CACNA1G: variants seen among roughly 807,000 people sequenced by gnomAD.
CACNA1G encodes voltage-dependent T-type calcium channel subunit alpha-1G.
CACNA1G carries 67 observed loss-of-function variants against 219.4 expected under a neutral mutation model. The ratio of observed to expected loss-of-function variants is 0.31; its 90% confidence interval spans 0.25 to 0.37. CACNA1G has a LOEUF of 0.37. CACNA1G is among the 10% of genes least tolerant of loss of function. The pLI is 1.00. For missense variants in CACNA1G, 2,380 were observed against 3,231.4 expected, an observed-to-expected ratio of 0.74 and a Z score of 6.39; for synonymous variants, 1,296 against 1,345.3, an observed-to-expected ratio of 0.96 and a Z score of 0.80.
intron 9 of CACNA1G, among the ~76,000 whole-genome samples, chr17:50,580,186 G>A (rs879883021): frequency 1.3e-5 from 2 of 152,166 alleles, no homozygotes; most frequent in East Asian, 1.9e-4. Flanking sequence ...TCTGGGCTAC[G>A]TGGGTGTGGG....
Position 50,618,654 on chromosome 17 carries a change from G to A in CACNA1G, c.5428-1G>A. 1 of 1,609,102 alleles carries A rather than the reference G, an allele frequency of 6.2e-7. No homozygotes were observed. ...TCACCCCTCTATTCCACCCTCCCCA[G>A]GACACCCTCCGGGACTGTGACCAGG... is the stretch of plus-strand genomic sequence containing the variant. On this transcript the variant is annotated splice_acceptor_variant, in intron 32 of 37. Transcript: ENST00000359106. LOFTEE classifies it high-confidence loss of function. The surrounding 1 kb of genome is among the most constrained non-coding windows in gnomAD (Gnocchi z 5.3).
intron 9 of CACNA1G, among the ~76,000 whole-genome samples, chr17:50,579,436 G>A (rs551082858): frequency 2.0e-5 from 3 of 152,224 alleles, no homozygotes; most frequent in South Asian, 4.1e-4. Context: ...GAAGATGCCC[G>A]CTTGTTGGGG....
chr17:50,575,146 C>A (rs2040370501), intron 7 of CACNA1G, among the ~76,000 whole-genome samples: 1 of 152,334 alleles, frequency 6.6e-6, no homozygotes, highest in Admixed American at 6.5e-5. Flanking sequence ...ATTTCCACAG[C>A]ATTCGCTACT....
intron 9 of CACNA1G, among the ~76,000 whole-genome samples, chr17:50,584,458 CT>C (rs1158181801): frequency 1.3e-5 from 2 of 152,004 alleles, no homozygotes; most frequent in African/African-American, 4.8e-5. Context: ...CTGGACAGAG[CT>C]GGAGCTGTGG....
At chr17:50,624,955 CTTTT>C (rs3986415) in intron 37 of CACNA1G, among the ~76,000 whole-genome samples, 1 of 117,542 alleles carries the variant, frequency 8.5e-6, no homozygotes, top group Non-Finnish European at 1.7e-5. Flanking sequence ...AGCCCAGATT[CTTTT>C]TTTTTTTTTT....
In CACNA1G at chr17:50,606,565, CA is replaced by C. The variant is rs202151940; in HGVS notation, c.4423-334del. ...AATTCCTTTCCTCACTCCATATTTG[CA>C]GAAACAGAAATGCAGAAAATGAAAT... is the stretch of plus-strand genomic sequence containing the variant. On this transcript the variant is annotated intron_variant, in intron 23 of 37. Coordinates refer to ENST00000359106, the MANE Select transcript of CACNA1G (RefSeq NM_018896.5). 2,015 of 544,134 alleles carry C rather than the reference CA, an allele frequency of 3.7e-3. 59 individuals are homozygous for C. The East Asian group carries it at 0.049, about 13-fold the overall frequency. 33.7% of individuals were successfully genotyped at this position (544,134 alleles called of 1,614,324 possible). A position where few individuals can be genotyped will look rare whatever the true frequency, so the allele number is the denominator to read the frequency against.
chr17:50,585,164 G>T (rs2042756571), intron 9 of CACNA1G, among the ~76,000 whole-genome samples: 1 of 152,158 alleles, frequency 6.6e-6, no homozygotes. Context: ...TTTATTTTAA[G>T]AGATGGAATC....
chr17:50,604,549 C>T (rs1413151175), intron 22 of CACNA1G, among the ~76,000 whole-genome samples: 3 of 152,252 alleles, frequency 2.0e-5, no homozygotes, highest in African/African-American at 7.2e-5. Context: ...GCCCTCTGCA[C>T]GCACTCCCTG....
intron 35 of CACNA1G, among the ~76,000 whole-genome samples, chr17:50,622,696 A>G (rs2146409547): frequency 6.6e-6 from 1 of 152,272 alleles, no homozygotes; most frequent in African/African-American, 2.4e-5. Flanking sequence ...TCACAGAGTG[A>G]TGGAGAAACC....
chr17:50,605,781 A>T, intron 22 of CACNA1G, 117 bp from the exon 23 acceptor site: 1 of 1,075,144 alleles, frequency 9.3e-7, no homozygotes, highest in Non-Finnish European at 1.4e-6. Context: ...GCCCCAGAGC[A>T]GAGCACCCCA....
rs751264684 is a variant in CACNA1G at position 50,626,394 on chromosome 17, G to T, written c.6777G>T (p.Thr2259=). 3.0e-5 allele frequency: 49 copies of T among 1,611,586 alleles called. No individual in the cohort carries two copies. The East Asian group carries it at 9.8e-4, about 32-fold the overall frequency. ...CCCAGAGCTGCCAGCGCCGGCCTAC[G>T]TCCTGGCTGGATGAGCAGAGGAGAC... The part of the protein sequence containing the change: ...VEAQSCQRRP[T]SWLDEQRRHS... Residue 2259 remains threonine (T), a synonymous_variant, in exon 38 of 38, where the codon ACG becomes ACT. Coordinates refer to ENST00000359106, the MANE Select transcript of CACNA1G (RefSeq NM_018896.5). This position sits in a 1 kb window ranked among gnomAD's most constrained non-coding sequence, Gnocchi z 4.3.
At chr17:50,576,394 T>A in intron 8 of CACNA1G, 68 bp downstream of exon 8, 1 of 1,467,050 alleles carries the variant, frequency 6.8e-7, no homozygotes, top group Non-Finnish European at 9.3e-7. Context: ...CAGAGGGGAC[T>A]AGGGGGTCTG....
rs1284877290 is a variant in CACNA1G, at chr17:50,618,010, C to T, written c.5227-38C>T. On this transcript the variant is annotated intron_variant, in intron 30 of 37. Coordinates refer to ENST00000359106, the MANE Select transcript of CACNA1G (RefSeq NM_018896.5). This position sits in a 1 kb window ranked among gnomAD's most constrained non-coding sequence, Gnocchi z 5.3. The stretch of plus-strand genomic sequence containing the variant: ...GGCTCAGAGAAGCTGACTGGGAGAC[C>T]CAGCGGCATCGTTTCTATTTCTTCT... The T allele has an allele frequency of 1.2e-6, 2 of 1,612,704 alleles. No homozygotes were observed. The highest frequency in any genetic ancestry group is 3.3e-5 in the Admixed American group (2 of 60,000).
At chr17:50,587,783 A>G (rs8078184) in intron 9 of CACNA1G, among the ~76,000 whole-genome samples, 76,294 of 151,824 alleles carry the variant, frequency 0.5, 20,251 homozygotes, top group East Asian at 0.9. Flanking sequence ...CCCTTGACAA[A>G]GTTCAATGAG....
Position 50,572,626 on chromosome 17 carries a change from G to A in CACNA1G, c.819G>A (p.Gln273=), listed in dbSNP as rs1207906784. 1 of 1,596,690 alleles carries A rather than the reference G, an allele frequency of 6.3e-7. No homozygotes were observed. The highest frequency in any genetic ancestry group is 2.3e-5 in the East Asian group (1 of 43,806). The part of the protein sequence containing the change: ...NEDESPFICS[Q]PRENGMRSCR... ...ATGAGAGCCCCTTCATCTGCTCCCA[G>A]CCACGCGAGAACGGCATGCGGTCCT... Residue 273 remains glutamine (Q), a synonymous_variant, in exon 6 of 38, where the codon CAG becomes CAA. Coordinates refer to ENST00000359106, the MANE Select transcript of CACNA1G (RefSeq NM_018896.5).
At chr17:50,615,778 G>A (rs141734117) in intron 27 of CACNA1G, among the ~76,000 whole-genome samples, 14 of 152,350 alleles carry the variant, frequency 9.2e-5, no homozygotes, top group Admixed American at 5.9e-4. Context: ...AATGTTGAGC[G>A]TCTACTATGA....
At chr17:50,586,997 C>T (rs1046615679) in intron 9 of CACNA1G, among the ~76,000 whole-genome samples, 1 of 152,182 alleles carries the variant, frequency 6.6e-6, no homozygotes, top group African/African-American at 2.4e-5. Context: ...GGCCTCATTT[C>T]ACCGAAACCT....
At chr17:50,569,006 G>GTT in intron 2 of CACNA1G, 25 bp downstream of exon 2, 3 of 1,510,828 alleles carry the variant, frequency 2.0e-6, no homozygotes, top group Non-Finnish European at 2.7e-6. Context: ...GTGTGTGTGT[G>GTT]TGTGTGTGTT....
Position 50,621,198 on chromosome 17 carries a change from G to A in CACNA1G, c.5926-462G>A, listed in dbSNP as rs935026115. Among the ~76,000 whole-genome samples, 4 of 152,074 alleles carry A rather than the reference G, an allele frequency of 2.6e-5. No individual in the cohort carries two copies. Among genetic ancestry groups the A allele is most frequent in the South Asian group, 2.1e-4 (1 of 4,820 alleles). ...CAGCCGTCAGATTGGTGGCATTGTC[G>A]CCGGCGCCCCCCGTGCCGCTCTGTC... On this transcript the variant is annotated intron_variant, in intron 34 of 37. Coordinates refer to ENST00000359106, the MANE Select transcript of CACNA1G (RefSeq NM_018896.5). This position sits in a 1 kb window ranked among gnomAD's most constrained non-coding sequence, Gnocchi z 4.6.
Sources: gnomAD v4.1 joint callset for allele counts (sites outside exome capture counted in the v4.1 genomes callset) on GRCh38, gnomAD v4.1.1 for gene constraint, Gnocchi (gnomAD v3.1) non-coding constraint, MANE v1.5 for transcripts, NCBI Gene and HGNC (gene_info 2026-07-23, HGNC 2026-07-21) for gene names.